SYT1: variants seen among roughly 807,000 people sequenced by gnomAD.
SYT1 encodes the protein synaptotagmin-1.
A neutral mutation model predicts 44.8 loss-of-function variants in SYT1; 8 were observed. That is an observed-to-expected ratio of 0.18 (90% CI 0.10 to 0.32). The LOEUF (loss-of-function observed/expected upper bound fraction) is 0.32, where lower values mean the gene tolerates loss of function less well. SYT1 is among the 10% of genes least tolerant of loss of function. SYT1 has a pLI of 1.00. For missense variants in SYT1, 286 were observed against 509.3 expected, an observed-to-expected ratio of 0.56 and a Z score of 4.22; for synonymous variants, 154 against 188.8, an observed-to-expected ratio of 0.82 and a Z score of 1.51.
intron 8 of SYT1, among the ~76,000 whole-genome samples, chr12:79,323,266 A>G (rs1164085725): frequency 6.6e-6 from 1 of 152,216 alleles, no homozygotes; most frequent in Non-Finnish European, 1.5e-5. Flanking sequence ...TTGACAGTGA[A>G]AAGTAGAGGA....
intron 1 of SYT1, among the ~76,000 whole-genome samples, chr12:78,947,363 TGC>T (rs1878717095): frequency 6.6e-6 from 1 of 152,064 alleles, no homozygotes; most frequent in Middle Eastern, 3.2e-3. Context: ...CTAGATTATG[TGC>T]GCATCGTGAC....
At chr12:79,117,337 A>G (rs770294901) in intron 3 of SYT1, among the ~76,000 whole-genome samples, 6 of 151,960 alleles carry the variant, frequency 3.9e-5, no homozygotes, top group Non-Finnish European at 7.4e-5. Context: ...CGGACCCACA[A>G]TGCTCCGTGT....
intron 1 of SYT1, among the ~76,000 whole-genome samples, chr12:78,950,316 C>A (rs969446520): frequency 6.6e-6 from 1 of 151,872 alleles, no homozygotes; most frequent in Non-Finnish European, 1.5e-5. Context: ...TTGAATAATC[C>A]TTTTTGAAGT....
chr12:79,272,172 T>C (rs1878460360), intron 4 of SYT1, among the ~76,000 whole-genome samples: 3 of 152,156 alleles, frequency 2.0e-5, no homozygotes, highest in South Asian at 2.1e-4. Context: ...AGGAGTAGAA[T>C]TGAGCAGGGA....
At chr12:79,344,516 G>A (rs1287376032) in intron 8 of SYT1, among the ~76,000 whole-genome samples, 4 of 152,048 alleles carry the variant, frequency 2.6e-5, no homozygotes, top group African/African-American at 7.2e-5. Context: ...ACAGTGGCAC[G>A]ATCTCTGCCC....
In SYT1 at chr12:79,390,754, A is replaced by C. The variant is rs77224900; in HGVS notation, c.928+37135A>C. On this transcript the variant is annotated intron_variant, in intron 9 of 10. Coordinates refer to ENST00000261205, the MANE Select transcript of SYT1 (RefSeq NM_005639.3). ...TTGAGCCCTATAGTAACCTTTCAAC[A>C]CTTTTCCTTTCTCATCTAGCATTGT... Among the ~76,000 whole-genome samples, 398 of 152,274 alleles carry C rather than the reference A, an allele frequency of 2.6e-3. 1 individual carries two copies. Among genetic ancestry groups the C allele is most frequent in the Non-Finnish European group, 4.6e-3 (310 of 68,020 alleles).
intron 9 of SYT1, among the ~76,000 whole-genome samples, chr12:79,411,082 T>G (rs1007810068): frequency 1.4e-4 from 22 of 152,144 alleles, no homozygotes; most frequent in African/African-American, 5.1e-4. Context: ...GTAAATGACA[T>G]AGAAATTTAT....
chr12:78,911,174 T>C (rs1363249989), intron 1 of SYT1, among the ~76,000 whole-genome samples: 1 of 152,028 alleles, frequency 6.6e-6, no homozygotes, highest in Non-Finnish European at 1.5e-5. Context: ...CAAGATGAGT[T>C]TTCTGGCTTG....
At position 79,449,223 on chromosome 12, in the gene SYT1, G is replaced by GCATT; in HGVS notation, c.*101_*104dup. ...TGGGTCCTTTCATTTTTCCAGCCAT[G>GCATT]CATTCCTAACACAATTCAGTGGTAC... is the stretch of plus-strand genomic sequence containing the variant. On this transcript the variant is annotated 3_prime_UTR_variant, in exon 11 of 11. Coordinates refer to ENST00000261205, the MANE Select transcript of SYT1 (RefSeq NM_005639.3). 1 of 1,254,762 alleles carries GCATT rather than the reference G, an allele frequency of 8.0e-7. No individual in the cohort carries two copies. 77.7% of individuals were successfully genotyped at this position (1,254,762 alleles called of 1,614,324 possible).
At chr12:79,448,747 A>C (rs945055816) in intron 10 of SYT1, among the ~76,000 whole-genome samples, 171 bp from the exon 11 acceptor site, 1 of 152,248 alleles carries the variant, frequency 6.6e-6, no homozygotes, top group African/African-American at 2.4e-5. Context: ...AGTGCAAAGT[A>C]TATAATAAAA....
chr12:79,186,024 C>T (rs1872781635), intron 3 of SYT1, among the ~76,000 whole-genome samples: 1 of 151,952 alleles, frequency 6.6e-6, no homozygotes. Context: ...CAAGAAGCTG[C>T]TTCTGTCACC....
chr12:79,148,580 A>G (rs1001684418), intron 3 of SYT1, among the ~76,000 whole-genome samples: 1 of 152,144 alleles, frequency 6.6e-6, no homozygotes, highest in Non-Finnish European at 1.5e-5. Flanking sequence ...TCTTACTGAT[A>G]TATCATTGAG....
intron 3 of SYT1, among the ~76,000 whole-genome samples, chr12:79,147,921 G>C (rs927243325): frequency 1.3e-5 from 2 of 152,142 alleles, no homozygotes; most frequent in African/African-American, 2.4e-5. Flanking sequence ...GTTTGAAATA[G>C]GAAGTTTTGA....
At chr12:79,219,248 A>G (rs1426090452) in intron 4 of SYT1, among the ~76,000 whole-genome samples, 3 of 152,012 alleles carry the variant, frequency 2.0e-5, no homozygotes, top group Admixed American at 6.6e-5. Context: ...TATTTTGGAC[A>G]TTAACCCCTT....
At chr12:79,298,824 A>C (rs1480889352) in intron 7 of SYT1, among the ~76,000 whole-genome samples, 2 of 152,170 alleles carry the variant, frequency 1.3e-5, no homozygotes, top group African/African-American at 4.8e-5. Flanking sequence ...GTTCTTGTCA[A>C]TCAGCAAATT....
intron 3 of SYT1, among the ~76,000 whole-genome samples, chr12:79,126,390 A>G (rs1019334216): frequency 1.6e-4 from 25 of 152,194 alleles, no homozygotes; most frequent in African/African-American, 6.0e-4. Context: ...CCTCCAGAGT[A>G]GCTGGGATTG....
At chr12:79,002,731 T>A (rs1870823042) in intron 2 of SYT1, among the ~76,000 whole-genome samples, 1 of 152,126 alleles carries the variant, frequency 6.6e-6, no homozygotes, top group East Asian at 1.9e-4. Flanking sequence ...ATTCACTGAG[T>A]CACTCCATTG....
Position 79,058,584 on chromosome 12 carries a change from C to T in SYT1, c.-18+11222C>T, listed in dbSNP as rs191532572. Reference sequence around the variant, plus strand: ...CAGTACAGCTGGTATGGGGAAATGTCTAAGAAAAAATAATTGGGCCAAAGT... The same window carrying T: ...CAGTACAGCTGGTATGGGGAAATGTTTAAGAAAAAATAATTGGGCCAAAGT... On this transcript the variant is annotated intron_variant, in intron 3 of 10. Transcript: ENST00000261205. Among the ~76,000 whole-genome samples, 3 of 152,136 alleles carry T rather than the reference C, an allele frequency of 2.0e-5. No homozygotes were observed. The East Asian group carries it at 5.8e-4, about 29-fold the overall frequency.
chr12:79,445,271 C>G (rs1441438887), intron 10 of SYT1, among the ~76,000 whole-genome samples: 1 of 152,002 alleles, frequency 6.6e-6, no homozygotes, highest in African/African-American at 2.4e-5. Context: ...GAGTAGTTAG[C>G]ATATTTATCA....
Sources: allele counts gnomAD v4.1 joint callset (sites outside exome capture counted in the v4.1 genomes callset), GRCh38; gene constraint gnomAD v4.1.1; transcripts MANE v1.5; gene names NCBI Gene and HGNC (gene_info 2026-07-23, HGNC 2026-07-21).